Variants in NSFL1C observed in about 807,000 individuals in gnomAD.
NSFL1C encodes NSFL1 cofactor p47.
A neutral mutation model predicts 43.1 loss-of-function variants in NSFL1C; 14 were observed. That is an observed-to-expected ratio of 0.32 (90% CI 0.21 to 0.51). The LOEUF (loss-of-function observed/expected upper bound fraction) is 0.51, where lower values mean the gene tolerates loss of function less well. Ranked by LOEUF, NSFL1C falls within the 20% of genes least tolerant of loss-of-function variation. The pLI is 0.98. For synonymous variants in NSFL1C, 171 were observed against 183.5 expected (o/e 0.93, Z 0.55); for missense variants, 406 against 472.5 (o/e 0.86, Z 1.30).
At chr20:1,454,898 T>C in intron 4 of NSFL1C, 69 bp downstream of exon 4, 1 of 1,516,486 alleles carries the variant, frequency 6.6e-7, no homozygotes, top group South Asian at 1.2e-5. Flanking sequence ...ACTACCGGGG[T>C]GAAGAAGGTG....
At chr20:1,454,330 T>C (rs2090250734) in intron 4 of NSFL1C, 25 bp from the exon 5 acceptor site, 1 of 1,537,842 alleles carries the variant, frequency 6.5e-7, no homozygotes. Context: ...TTCATACACA[T>C]TTAAGGGGTT....
At chr20:1,445,450 G>A (rs774965337) in intron 8 of NSFL1C, among the ~76,000 whole-genome samples, 8 of 152,166 alleles carry the variant, frequency 5.3e-5, no homozygotes, top group Non-Finnish European at 1.2e-4. Context: ...AGACACACAG[G>A]GGGAAGTGAA....
At chr20:1,450,482 T>C (rs2090160924) in intron 7 of NSFL1C, among the ~76,000 whole-genome samples, 1 of 152,230 alleles carries the variant, frequency 6.6e-6, no homozygotes, top group Non-Finnish European at 1.5e-5. Flanking sequence ...TAATATTTAT[T>C]CCTATCATGC....
chr20:1,446,077 C>A, intron 7 of NSFL1C: 1 of 560,622 alleles, frequency 1.8e-6, no homozygotes, highest in Non-Finnish European at 3.2e-6. Flanking sequence ...GTAATGTGGG[C>A]AAGTTACTCG....
chr20:1,454,978 T>G lies in NSFL1C; in HGVS notation c.433A>C (p.Ser145Arg), dbSNP rs756871266. 6.2e-7 allele frequency: 1 copy of G among 1,613,700 alleles called. No homozygotes were observed. The highest frequency in any genetic ancestry group is 1.7e-5 in the Admixed American group (1 of 60,026). The change falls in exon 4 of 9, where the codon AGT becomes CGT. Residue 145 changes from serine (S) to arginine (R), a missense_variant. This residue lies in a region of NSFL1C where 203 missense variants were observed against 216.3 expected (regional missense o/e 0.94). Transcript: ENST00000216879. The stretch of plus-strand genomic sequence containing the variant: ...ACCCTTATACTCACTCTCGGTTTAC[T>G]GGTCTCTCCAGGGCTCTTGGTCACT... ...ERVTKSPGETSKPRPFAGGGY... is the reference protein window; with the variant it reads ...ERVTKSPGETRKPRPFAGGGY...
chr20:1,462,560 C>T (rs1414975792), intron 2 of NSFL1C, among the ~76,000 whole-genome samples: 2 of 150,638 alleles, frequency 1.3e-5, no homozygotes, highest in Non-Finnish European at 2.9e-5. Context: ...CTTGCTCTGT[C>T]GCCCAGGCTG....
chr20:1,458,017 G>C (rs1194100001), intron 3 of NSFL1C, 183 bp downstream of exon 3: 1 of 519,158 alleles, frequency 1.9e-6, no homozygotes, highest in African/African-American at 1.9e-5. Flanking sequence ...TAACGGAACA[G>C]GGGTCACTTC....
intron 2 of NSFL1C, among the ~76,000 whole-genome samples, chr20:1,459,291 C>T (rs575550805): frequency 2.7e-4 from 41 of 152,218 alleles, no homozygotes; most frequent in African/African-American, 8.9e-4. Flanking sequence ...AAGATATGAT[C>T]GTTTTAAAAT....
intron 4 of NSFL1C, 143 bp downstream of exon 4, chr20:1,454,824 A>C: frequency 3.4e-6 from 3 of 872,562 alleles, no homozygotes; most frequent in Non-Finnish European, 5.4e-6. Flanking sequence ...AGGGTGAGAT[A>C]AACTACACTC....
At chr20:1,458,094 G>T in intron 3 of NSFL1C, 106 bp downstream of exon 3, 1 of 918,414 alleles carries the variant, frequency 1.1e-6, no homozygotes, top group Non-Finnish European at 1.8e-6. Flanking sequence ...CAGTAGTAAT[G>T]GCTAACAATA....
chr20:1,464,465 G>T, intron 1 of NSFL1C, 39 bp from the exon 2 acceptor site: 1 of 1,522,318 alleles, frequency 6.6e-7, no homozygotes, highest in Non-Finnish European at 9.1e-7. Context: ...CCTTAAACAG[G>T]CCTTCACCTA....
chr20:1,466,399 C>CAG (rs1296872993), intron 1 of NSFL1C, among the ~76,000 whole-genome samples: 2 of 152,246 alleles, frequency 1.3e-5, no homozygotes, highest in African/African-American at 4.8e-5. Context: ...CGGCCTCCAG[C>CAG]AGATACTCGG....
At chr20:1,448,485 C>T (rs1007237665) in intron 7 of NSFL1C, among the ~76,000 whole-genome samples, 1 of 152,182 alleles carries the variant, frequency 6.6e-6, no homozygotes, top group Non-Finnish European at 1.5e-5. Flanking sequence ...CTTCCCAGCA[C>T]GTCCCATTGC....
chr20:1,447,662 G>A (rs754690485), intron 7 of NSFL1C, among the ~76,000 whole-genome samples: 3 of 152,096 alleles, frequency 2.0e-5, no homozygotes, highest in African/African-American at 4.8e-5. Flanking sequence ...CAAAGTATAC[G>A]TACTCATTGA....
intron 7 of NSFL1C, among the ~76,000 whole-genome samples, chr20:1,449,212 G>A (rs994966845): frequency 2.0e-5 from 3 of 152,100 alleles, no homozygotes; most frequent in South Asian, 2.1e-4. Context: ...TTAGCATAGC[G>A]CTTAGCTAAC....
At chr20:1,466,592 T>G in intron 1 of NSFL1C, 128 bp downstream of exon 1, 1 of 848,582 alleles carries the variant, frequency 1.2e-6, no homozygotes, top group Non-Finnish European at 1.8e-6. Context: ...CCCGGGACCA[T>G]GAGGCCTGGG....
Position 1,455,103 on chromosome 20 carries a change from C to G in NSFL1C, c.308G>C (p.Gly103Ala), listed in dbSNP as rs780862580. The G allele has an allele frequency of 1.2e-6, 2 of 1,614,186 alleles. No individual in the cohort carries two copies. Among genetic ancestry groups the G allele is most frequent in the Non-Finnish European group, 1.7e-6 (2 of 1,180,016 alleles). The change falls in exon 4 of 9, where the codon GGA (glycine) becomes GCA (alanine). Residue 103 changes from glycine (G) to alanine (A), a missense_variant. Around this residue, in one of 3 missense-constraint regions of NSFL1C, gnomAD observed 203 missense variants for 216.3 expected, o/e 0.94. Transcript: ENST00000216879. ...CCTGGGAGGGCCAACAATCTGCTGT[C>G]CACTTCTCTCTGAGCCCCCAGCATA... Reference protein sequence around the residue: ...RFYAGGSERSGQQIVGPPRKK... With the variant: ...RFYAGGSERSAQQIVGPPRKK...
intron 1 of NSFL1C, 40 bp from the exon 2 acceptor site, chr20:1,464,466 C>A: frequency 6.6e-7 from 1 of 1,520,242 alleles, no homozygotes; most frequent in Non-Finnish European, 9.1e-7. Flanking sequence ...CTTAAACAGG[C>A]CTTCACCTAA....
chr20:1,442,777 C>T lies in NSFL1C; in HGVS notation c.*972G>A, dbSNP rs2089975922. The T allele has an allele frequency of 6.6e-6, 1 of 152,264 alleles. No homozygotes were observed. Among genetic ancestry groups the T allele is most frequent in the Non-Finnish European group, 1.5e-5 (1 of 68,062 alleles). 9.4% of individuals were successfully genotyped at this position (152,264 alleles called of 1,614,324 possible). A position where few individuals can be genotyped will look rare whatever the true frequency, so the allele number is the denominator to read the frequency against. The stretch of plus-strand genomic sequence containing the variant: ...CCCAGCAGAAGCCTCCTGCAAGTAC[C>T]AACAGTGACAGGTGCTTGTAGCACA... On this transcript the variant is annotated 3_prime_UTR_variant, in exon 9 of 9. Transcript: ENST00000216879.
Sources: gnomAD v4.1 joint callset for allele counts (sites outside exome capture counted in the v4.1 genomes callset) on GRCh38, gnomAD v4.1.1 for gene constraint, gnomAD v4.1.1 regional missense constraint, MANE v1.5 for transcripts, NCBI Gene and HGNC (gene_info 2026-07-23, HGNC 2026-07-21) for gene names.